Variants in ZNF385B observed in about 807,000 individuals in gnomAD.
ZNF385B encodes zinc finger protein 533.
In ZNF385B, 23 loss-of-function variants were observed where a neutral mutation model predicts 39.2. The ratio of observed to expected loss-of-function variants is 0.59; its 90% confidence interval spans 0.42 to 0.83. The LOEUF (loss-of-function observed/expected upper bound fraction) is 0.83. Among genes scored for constraint, ZNF385B ranks in the 40% least tolerant of loss-of-function variants. The pLI is 0.00. For synonymous variants in ZNF385B, 205 were observed against 222.6 expected (o/e 0.92, Z 0.70); for missense variants, 552 against 598.9 (o/e 0.92, Z 0.82).
chr2:179,596,310 T>C (rs1687995902), intron 3 of ZNF385B, among the ~76,000 whole-genome samples: 1 of 152,202 alleles, frequency 6.6e-6, no homozygotes, highest in Non-Finnish European at 1.5e-5. Flanking sequence ...GAACAGTAGT[T>C]TGAAACTAAG....
At chr2:179,554,364 T>C (rs2105936132) in intron 3 of ZNF385B, among the ~76,000 whole-genome samples, 1 of 149,348 alleles carries the variant, frequency 6.7e-6, no homozygotes. Flanking sequence ...TAAGATAAAC[T>C]TTGAGGAATG....
At chr2:179,764,411 A>G (rs1013151074) in intron 3 of ZNF385B, among the ~76,000 whole-genome samples, 2 of 150,348 alleles carry the variant, frequency 1.3e-5, no homozygotes, top group African/African-American at 2.5e-5. Flanking sequence ...TTTTCTTTTG[A>G]TTGGCTTATT....
chr2:179,617,569 G>A (rs1427075987), intron 3 of ZNF385B, among the ~76,000 whole-genome samples: 4 of 152,128 alleles, frequency 2.6e-5, no homozygotes, highest in Non-Finnish European at 4.4e-5. Context: ...CACCTGGAAG[G>A]CTTATTAAAA....
chr2:179,782,099 A>G (rs932211750), intron 1 of ZNF385B, among the ~76,000 whole-genome samples: 1 of 152,182 alleles, frequency 6.6e-6, no homozygotes, highest in African/African-American at 2.4e-5. Context: ...AATACTTGCA[A>G]ACTGAATCCA....
chr2:179,754,174 G>A (rs934492910), intron 3 of ZNF385B, among the ~76,000 whole-genome samples: 6 of 152,118 alleles, frequency 3.9e-5, no homozygotes, highest in Non-Finnish European at 8.8e-5. Context: ...GGCCTTTTCT[G>A]CATCTACTGG....
chr2:179,466,793 C>T (rs1441216458), intron 6 of ZNF385B, among the ~76,000 whole-genome samples: 1 of 151,346 alleles, frequency 6.6e-6, no homozygotes, highest in Non-Finnish European at 1.5e-5. Flanking sequence ...TGGTGGCACA[C>T]ATCTGTAATC....
intron 5 of ZNF385B, among the ~76,000 whole-genome samples, chr2:179,498,592 G>A (rs1196232922): frequency 6.6e-6 from 1 of 151,910 alleles, no homozygotes; most frequent in East Asian, 1.9e-4. Flanking sequence ...ATGATGAGTG[G>A]TTCAATGAAC....
intron 3 of ZNF385B, among the ~76,000 whole-genome samples, chr2:179,636,370 T>G (rs75515307): frequency 0.011 from 1,674 of 152,288 alleles, 28 homozygotes; most frequent in African/African-American, 0.039. Context: ...CAGAAGTGAC[T>G]GCAGAATTTA....
chr2:179,727,768 T>C (rs1443312889), intron 3 of ZNF385B, among the ~76,000 whole-genome samples: 4 of 152,014 alleles, frequency 2.6e-5, no homozygotes, highest in African/African-American at 9.7e-5. Flanking sequence ...TTAAGACATA[T>C]GGAGTGCATC....
intron 3 of ZNF385B, among the ~76,000 whole-genome samples, chr2:179,676,242 A>C (rs1462518742): frequency 8.2e-5 from 12 of 145,902 alleles, no homozygotes; most frequent in Non-Finnish European, 1.2e-4. Context: ...GCGCCCACCA[A>C]CACACCCGGC....
chr2:179,448,709 A>C (rs1280731590), intron 6 of ZNF385B, among the ~76,000 whole-genome samples: 1 of 152,144 alleles, frequency 6.6e-6, no homozygotes, highest in African/African-American at 2.4e-5. Context: ...TGTCCCACAG[A>C]TTAGTAAGTG....
At chr2:179,816,792 C>T (rs907098580) in intron 1 of ZNF385B, among the ~76,000 whole-genome samples, 49 of 152,130 alleles carry the variant, frequency 3.2e-4, no homozygotes, top group African/African-American at 1.2e-3. Context: ...TTAGTTGTTC[C>T]TTTCAGAATA....
At chr2:179,745,640 G>C in intron 3 of ZNF385B, 1 of 1,350,280 alleles carries the variant, frequency 7.4e-7, no homozygotes, top group Non-Finnish European at 1.0e-6. Context: ...ACAGGATTCA[G>C]CATAACATAC....
intron 1 of ZNF385B, among the ~76,000 whole-genome samples, chr2:179,803,567 G>A (rs1246552331): frequency 3.9e-5 from 6 of 152,124 alleles, no homozygotes; most frequent in Non-Finnish European, 7.4e-5. Context: ...GTAGAAGCAC[G>A]ATATTATAAG....
At chr2:179,693,219 C>T (rs1156727987) in intron 3 of ZNF385B, among the ~76,000 whole-genome samples, 4 of 152,132 alleles carry the variant, frequency 2.6e-5, no homozygotes, top group African/African-American at 7.2e-5. Flanking sequence ...GTCAGGATAA[C>T]GCACACTCAT....
intron 3 of ZNF385B, among the ~76,000 whole-genome samples, chr2:179,667,708 A>C (rs937457238): frequency 6.6e-6 from 1 of 152,206 alleles, no homozygotes; most frequent in Non-Finnish European, 1.5e-5. Flanking sequence ...GCTATGTTTA[A>C]GCCAGAGTTT....
At position 179,807,819 on chromosome 2, in the gene ZNF385B, C is replaced by T. The variant is rs1471090315; in HGVS notation, c.-154-37147G>A. Among the ~76,000 whole-genome samples, 3 of 150,504 alleles carry T rather than the reference C, an allele frequency of 2.0e-5. No homozygotes were observed. The East Asian group carries it at 6.2e-4, about 31-fold the overall frequency. On this transcript the variant is annotated intron_variant, in intron 1 of 9. Transcript: ENST00000410066. The stretch of plus-strand genomic sequence containing the variant: ...TTGAGGCAGGAGAATGGCCTGAACC[C>T]GGGAGGTGGAGCTTGCAGTGAGCTG...
chr2:179,832,836 G>A (rs780370856), intron 1 of ZNF385B, among the ~76,000 whole-genome samples: 2 of 152,190 alleles, frequency 1.3e-5, no homozygotes, highest in Non-Finnish European at 2.9e-5. Context: ...TGTTGCATGA[G>A]TAAATGAACC....
intron 3 of ZNF385B, among the ~76,000 whole-genome samples, chr2:179,671,108 G>T (rs1194299102): frequency 3.3e-5 from 5 of 152,218 alleles, no homozygotes; most frequent in African/African-American, 1.2e-4. Flanking sequence ...TACCACTATT[G>T]TATCAAAGTG....
Sources: gnomAD v4.1 joint callset for allele counts (sites outside exome capture counted in the v4.1 genomes callset) on GRCh38, gnomAD v4.1.1 for gene constraint, MANE v1.5 for transcripts, NCBI Gene and HGNC (gene_info 2026-07-23, HGNC 2026-07-21) for gene names.